The following GABRR2 variants were observed in gnomAD, a reference collection of about 807,000 sequenced individuals.
GABRR2 encodes gamma-aminobutyric acid type A receptor subunit rho2.
In GABRR2, 36 loss-of-function variants were observed where a neutral mutation model predicts 47.0. The ratio of observed to expected loss-of-function variants is 0.77; its 90% CI spans 0.59 to 1.01. The LOEUF (loss-of-function observed/expected upper bound fraction) is 1.01. Ranked by LOEUF, GABRR2 falls within the 50% of genes least tolerant of loss-of-function variation. GABRR2 has a pLI of 0.00. For missense variants in GABRR2, 587 were observed against 594.6 expected (o/e 0.99, Z 0.13); for synonymous variants, 204 against 227.5 (o/e 0.90, Z 0.93).
At position 89,290,198 on chromosome 6, in the gene GABRR2, C is replaced by T. The variant is rs191850941; in HGVS notation, c.220+9561G>A. Among the ~76,000 whole-genome samples the T allele has an allele frequency of 2.6e-5, 4 of 152,362 alleles. 1 individual carries two copies. The highest frequency in any genetic ancestry group is 4.8e-5 in the African/African-American group (2 of 41,582). On this transcript the variant is annotated intron_variant, in intron 2 of 8. Transcript: ENST00000402938. ...TCCTATCAGCCCAGAATGGCTCAGT[C>T]CAGCTTCAGAACTTGCAGACTCCAG... is the stretch of plus-strand genomic sequence containing the variant.
chr6:89,292,952 G>A (rs897599270), intron 2 of GABRR2, among the ~76,000 whole-genome samples: 3 of 150,600 alleles, frequency 2.0e-5, no homozygotes, highest in Admixed American at 1.3e-4. Flanking sequence ...CCACTTCTGG[G>A]TATATTTCCA....
At chr6:89,297,502 A>G (rs1169469674) in intron 2 of GABRR2, among the ~76,000 whole-genome samples, 3 of 152,228 alleles carry the variant, frequency 2.0e-5, no homozygotes, top group Admixed American at 6.5e-5. Flanking sequence ...AAATAAGATT[A>G]CATATATATA....
chr6:89,274,825 G>A (rs944311900), intron 2 of GABRR2, among the ~76,000 whole-genome samples: 7 of 151,974 alleles, frequency 4.6e-5, no homozygotes, highest in South Asian at 2.1e-4. Context: ...GTGAGCGTGC[G>A]CCACTGCACT....
rs200580267 is a variant in GABRR2 at position 89,271,666 on chromosome 6, C to G, written c.277G>C (p.Glu93Gln). ...AGGCCGCTGCATACCATGTCCACCT[C>G]GGAGATGCTGTCCAGGCTCTCCACC... ...VQVESLDSIS[E>Q]VDMDFTMTLY... Residue 93 changes from glutamate to glutamine, a missense_variant, in exon 3 of 9, where the codon GAG becomes CAG. Transcript: ENST00000402938. 1.2e-6 allele frequency: 2 copies of G among 1,611,476 alleles called. No homozygotes were observed. Among genetic ancestry groups the G allele is most frequent in the Non-Finnish European group, 1.7e-6 (2 of 1,178,980 alleles).
intron 7 of GABRR2, among the ~76,000 whole-genome samples, chr6:89,265,163 G>A (rs1161082459): frequency 1.3e-5 from 2 of 152,142 alleles, no homozygotes; most frequent in Non-Finnish European, 2.9e-5. Flanking sequence ...TTCAGGGTCT[G>A]TAAAAGGCTA....
chr6:89,267,017 T>TTTTTG (rs1773913319), intron 6 of GABRR2, among the ~76,000 whole-genome samples: 1 of 147,596 alleles, frequency 6.8e-6, no homozygotes. Context: ...TTTTTTTTTT[T>TTTTTG]GAGACGGAGT....
chr6:89,256,006 G>A lies in GABRR2; in HGVS notation c.*1664C>T, dbSNP rs1306813728. Reference sequence around the variant, plus strand: ...GCTCACGGCAGCCTGGAATTCCTGGGCTCAAGCAATCCTCCCGCCTCAGCC... The same window carrying A: ...GCTCACGGCAGCCTGGAATTCCTGGACTCAAGCAATCCTCCCGCCTCAGCC... On this transcript the variant is annotated 3_prime_UTR_variant, in exon 9 of 9. Transcript: ENST00000402938. 6.6e-6 allele frequency among the ~76,000 whole-genome samples: 1 copy of A among 151,720 alleles called. No individual in the cohort carries two copies. The highest frequency in any genetic ancestry group is 1.5e-5 in the Non-Finnish European group (1 of 67,960).
intron 2 of GABRR2, among the ~76,000 whole-genome samples, chr6:89,273,329 T>A (rs1774093821): frequency 6.6e-6 from 1 of 152,110 alleles, no homozygotes; most frequent in African/African-American, 2.4e-5. Flanking sequence ...GCCTCCCAGG[T>A]TTAAGCAATT....
intron 2 of GABRR2, among the ~76,000 whole-genome samples, chr6:89,298,733 G>T (rs779055965): frequency 2.8e-4 from 42 of 152,220 alleles, no homozygotes; most frequent in Non-Finnish European, 3.7e-4. Context: ...TTTCCCAGCT[G>T]CTATGGCCTG....
chr6:89,286,275 G>A (rs1295309882), intron 2 of GABRR2, among the ~76,000 whole-genome samples: 4 of 152,172 alleles, frequency 2.6e-5, no homozygotes, highest in Admixed American at 6.5e-5. Flanking sequence ...AAGAAAATGA[G>A]GAAATACTGA....
Position 89,264,664 on chromosome 6 carries a change from T to C in GABRR2, c.890-56A>G. 2.5e-6 allele frequency: 4 copies of C among 1,584,612 alleles called. No individual in the cohort carries two copies. In the South Asian group the frequency reaches 3.4e-5, roughly 14 times the overall value. ...ACAGCGGTCTAGAACTGCCCTCATA[T>C]CTCACTAAGTCACGATTTTACACTC... On this transcript the variant is annotated intron_variant, in intron 7 of 8. Coordinates refer to ENST00000402938, the MANE Select transcript of GABRR2 (RefSeq NM_002043.5).
intron 4 of GABRR2, among the ~76,000 whole-genome samples, chr6:89,268,484 T>A (rs1317373935): frequency 6.6e-6 from 1 of 152,186 alleles, no homozygotes; most frequent in Non-Finnish European, 1.5e-5. Flanking sequence ...CAATGCATTC[T>A]GGTGAACTGT....
chr6:89,300,977 G>A (rs1198389509), intron 1 of GABRR2, among the ~76,000 whole-genome samples: 1 of 152,006 alleles, frequency 6.6e-6, no homozygotes, highest in Non-Finnish European at 1.5e-5. Flanking sequence ...TGAACATTGA[G>A]GCAAACAATC....
chr6:89,264,390 AG>A, intron 8 of GABRR2, 21 bp downstream of exon 8: 3 of 1,605,928 alleles, frequency 1.9e-6, no homozygotes, highest in Non-Finnish European at 2.6e-6. Flanking sequence ...GACTTAGACA[AG>A]GGCCGAAGAA....
intron 8 of GABRR2, among the ~76,000 whole-genome samples, chr6:89,263,481 T>A (rs1250526622): frequency 6.6e-6 from 1 of 152,228 alleles, no homozygotes; most frequent in East Asian, 1.9e-4. Context: ...GACTGTAGTA[T>A]AATATAGTAC....
chr6:89,268,869 A>G, intron 4 of GABRR2, 142 bp downstream of exon 4: 2 of 680,660 alleles, frequency 2.9e-6, no homozygotes, highest in Non-Finnish European at 5.1e-6. Flanking sequence ...TCATGTTTAG[A>G]TAGTTCTGAC....
chr6:89,311,007 C>T (rs61366096), intron 1 of GABRR2, among the ~76,000 whole-genome samples: 2,585 of 152,212 alleles, frequency 0.017, 77 homozygotes, highest in African/African-American at 0.059. Context: ...CTGTCCAGTC[C>T]CCTTAAGCCA....
At chr6:89,306,171 G>GT (rs1258171347) in intron 1 of GABRR2, among the ~76,000 whole-genome samples, 3 of 151,316 alleles carry the variant, frequency 2.0e-5, no homozygotes, top group African/African-American at 7.3e-5. Flanking sequence ...GAGCCCAGGA[G>GT]TTTGAGACCA....
chr6:89,302,834 A>C (rs1582463903), intron 1 of GABRR2: 1 of 1,382,318 alleles, frequency 7.2e-7, no homozygotes. Flanking sequence ...GTGACATCCC[A>C]CCCCCCAGCC....
Sources: allele counts gnomAD v4.1 joint callset (sites outside exome capture counted in the v4.1 genomes callset), GRCh38; gene constraint gnomAD v4.1.1; transcripts MANE v1.5; gene names NCBI Gene and HGNC (gene_info 2026-07-23, HGNC 2026-07-21).